Variants in RUNDC3B observed in about 807,000 individuals in gnomAD.
RUNDC3B encodes the protein RUN domain-containing protein 3B.
Under a neutral mutation model 58.4 loss-of-function variants are expected in RUNDC3B, and 33 were observed. The ratio of observed to expected loss-of-function variants is 0.56; its 90% confidence interval spans 0.43 to 0.75. The LOEUF (loss-of-function observed/expected upper bound fraction) is 0.75, where lower values mean the gene tolerates loss of function less well. Among genes scored for constraint, RUNDC3B ranks in the 30% least tolerant of loss-of-function variants. The probability of loss-of-function intolerance (pLI) is 0.00; values close to 1 mark genes in which losing one functional copy is unlikely to be tolerated. For missense variants in RUNDC3B, 501 were observed against 535.7 expected, an observed-to-expected ratio of 0.94 and a Z score of 0.64; for synonymous variants, 193 against 195.2, an observed-to-expected ratio of 0.99 and a Z score of 0.10.
intron 4 of RUNDC3B, among the ~76,000 whole-genome samples, chr7:87,732,961 C>G (rs1250416767): frequency 6.6e-6 from 1 of 152,124 alleles, no homozygotes; most frequent in African/African-American, 2.4e-5. Context: ...TCAGCAGTAA[C>G]AATTGCAACA....
At chr7:87,648,613 A>G (rs1167009845) in intron 1 of RUNDC3B, among the ~76,000 whole-genome samples, 1 of 152,298 alleles carries the variant, frequency 6.6e-6, no homozygotes, top group East Asian at 1.9e-4. Context: ...ATTACTCTTC[A>G]TAAGTTTCTT....
Position 87,815,876 on chromosome 7 carries a change from G to T in RUNDC3B, c.1104-265G>T, listed in dbSNP as rs907365539. 2.0e-5 allele frequency among the ~76,000 whole-genome samples: 3 copies of T among 151,926 alleles called. No homozygotes were observed. The East Asian group carries it at 5.8e-4, about 29-fold the overall frequency. On this transcript the variant is annotated intron_variant, in intron 9 of 10. Coordinates refer to ENST00000394654, the MANE Select transcript of RUNDC3B (RefSeq NM_001134405.2). ...AAGTTCCCATTTCTTAACCATCTAT[G>T]TAATCAAAAATTGGTATGAAGATTA...
At chr7:87,670,703 G>A (rs2130515796) in intron 2 of RUNDC3B, among the ~76,000 whole-genome samples, 1 of 152,320 alleles carries the variant, frequency 6.6e-6, no homozygotes, top group Admixed American at 6.5e-5. Context: ...TTTATTTGAA[G>A]CTGACTTCTT....
At chr7:87,789,149 G>A (rs891325201) in intron 8 of RUNDC3B, among the ~76,000 whole-genome samples, 4 of 152,228 alleles carry the variant, frequency 2.6e-5, no homozygotes, top group South Asian at 2.1e-4. Flanking sequence ...AAATAGCCAC[G>A]GAACAGCTTG....
intron 2 of RUNDC3B, among the ~76,000 whole-genome samples, chr7:87,685,843 T>C (rs933835662): frequency 2.6e-5 from 4 of 152,212 alleles, no homozygotes; most frequent in Admixed American, 1.3e-4. Flanking sequence ...ATTCTATTGC[T>C]TCCCATTAAA....
At chr7:87,760,128 C>A (rs1258283903) in intron 6 of RUNDC3B, among the ~76,000 whole-genome samples, 1 of 150,058 alleles carries the variant, frequency 6.7e-6, no homozygotes, top group Non-Finnish European at 1.5e-5. Context: ...TTCATAACAT[C>A]AATTACCATA....
intron 10 of RUNDC3B, among the ~76,000 whole-genome samples, chr7:87,824,065 T>A (rs1837657373): frequency 6.6e-6 from 1 of 152,190 alleles, no homozygotes; most frequent in Admixed American, 6.5e-5. Flanking sequence ...TTAAAATTGA[T>A]ACATAATGGA....
chr7:87,808,439 A>G (rs1054762474), intron 9 of RUNDC3B, among the ~76,000 whole-genome samples: 32 of 152,218 alleles, frequency 2.1e-4, no homozygotes, highest in African/African-American at 6.7e-4. Context: ...ATTTTAGTAC[A>G]AACAATTTCC....
intron 4 of RUNDC3B, among the ~76,000 whole-genome samples, chr7:87,719,886 A>C (rs1443739066): frequency 6.6e-6 from 1 of 151,550 alleles, no homozygotes; most frequent in Non-Finnish European, 1.5e-5. Context: ...GATGAGATAA[A>C]ACAGAGATGA....
At chr7:87,774,056 G>C (rs560503247) in intron 7 of RUNDC3B, among the ~76,000 whole-genome samples, 2 of 152,146 alleles carry the variant, frequency 1.3e-5, no homozygotes, top group South Asian at 4.1e-4. Context: ...TATCATTTTA[G>C]TATAACTTTT....
At chr7:87,739,962 T>C (rs1009447733) in intron 5 of RUNDC3B, 82 bp downstream of exon 5, 1 of 595,626 alleles carries the variant, frequency 1.7e-6, no homozygotes, top group Non-Finnish European at 2.9e-6. Context: ...TTCAGTTGTC[T>C]AAGTAAAGCA....
intron 2 of RUNDC3B, among the ~76,000 whole-genome samples, chr7:87,656,229 A>G (rs780868931): frequency 5.9e-5 from 9 of 152,162 alleles, no homozygotes; most frequent in Non-Finnish European, 1.5e-5. Flanking sequence ...TGTATATCAT[A>G]TATACAATTT....
chr7:87,728,327 G>T (rs917975518), intron 4 of RUNDC3B, among the ~76,000 whole-genome samples: 7 of 152,126 alleles, frequency 4.6e-5, no homozygotes, highest in Non-Finnish European at 8.8e-5. Context: ...ATCAAGTTTT[G>T]CATTTTTCAG....
intron 6 of RUNDC3B, among the ~76,000 whole-genome samples, chr7:87,762,609 T>G (rs1461202056): frequency 6.6e-6 from 1 of 151,558 alleles, no homozygotes; most frequent in Admixed American, 6.6e-5. Flanking sequence ...TTGTTTAATA[T>G]TTTTCTAGTA....
intron 10 of RUNDC3B, among the ~76,000 whole-genome samples, chr7:87,826,394 G>C (rs1837809076): frequency 6.6e-6 from 1 of 151,120 alleles, no homozygotes. Context: ...GTCACGTGAA[G>C]TGTGAATCCA....
At chr7:87,752,794 T>C (rs200002721) in intron 6 of RUNDC3B, among the ~76,000 whole-genome samples, 6,790 of 150,116 alleles carry the variant, frequency 0.045, 222 homozygotes, top group East Asian at 0.083. Context: ...TGCTAGTGGT[T>C]TATCAGTTTT....
chr7:87,707,710 A>T (rs1829734952), intron 3 of RUNDC3B, among the ~76,000 whole-genome samples: 1 of 151,952 alleles, frequency 6.6e-6, no homozygotes, highest in African/African-American at 2.4e-5. Flanking sequence ...ATAAAATAAA[A>T]TAAATACTGC....
At chr7:87,736,874 TATATATATATATATA>T (rs1348889237) in intron 4 of RUNDC3B, among the ~76,000 whole-genome samples, 162 of 36,832 alleles carry the variant, frequency 4.4e-3, no homozygotes, top group African/African-American at 0.017. Context: ...TATATATATA[TATATATATATATATA>T]TTTTTTTTTT....
intron 8 of RUNDC3B, among the ~76,000 whole-genome samples, chr7:87,778,476 A>T (rs2130884195): frequency 6.6e-6 from 1 of 152,158 alleles, no homozygotes; most frequent in East Asian, 1.9e-4. Context: ...ATAAGAAAAT[A>T]CAAGAAGAGA....
Sources: gnomAD v4.1 joint callset for allele counts (sites outside exome capture counted in the v4.1 genomes callset) on GRCh38, gnomAD v4.1.1 for gene constraint, MANE v1.5 for transcripts, NCBI Gene and HGNC (gene_info 2026-07-23, HGNC 2026-07-21) for gene names.